BFSP1: variants seen among roughly 807,000 people sequenced by gnomAD.
BFSP1 encodes the protein beaded filament structural protein 1.
In BFSP1, 38 loss-of-function variants were observed where a neutral mutation model predicts 43.9. That is an observed-to-expected ratio of 0.87 (90% confidence interval 0.67 to 1.14). The LOEUF is 1.14. Among genes scored for constraint, BFSP1 ranks in the 50% most tolerant of loss-of-function variants. BFSP1 has a pLI of 0.00. For synonymous variants in BFSP1, 352 were observed against 354.8 expected (o/e 0.99, Z 0.09); for missense variants, 850 against 875.1 (o/e 0.97, Z 0.36).
At chr20:17,509,102 T>A in intron 4 of BFSP1, 106 bp from the exon 5 acceptor site, 2 of 802,032 alleles carry the variant, frequency 2.5e-6, no homozygotes, top group Non-Finnish European at 3.6e-6. Flanking sequence ...CCCCCTGAAT[T>A]CTGTGTTGAA....
At chr20:17,527,700 G>C (rs7262975) in intron 1 of BFSP1, among the ~76,000 whole-genome samples, 39,406 of 151,754 alleles carry the variant, frequency 0.26, 6,476 homozygotes, top group African/African-American at 0.46. Context: ...TGCACTCCAG[G>C]CTGGGTGACA....
At chr20:17,567,582 GGGCGCTC>G (rs1568724647) in intron 1 of BFSP1, among the ~76,000 whole-genome samples, 1 of 152,106 alleles carries the variant, frequency 6.6e-6, no homozygotes, top group Non-Finnish European at 1.5e-5. Context: ...AGAGGTGGCC[GGGCGCTC>G]GGTGTCTAAG....
chr20:17,556,031 G>A (rs6034849), intron 1 of BFSP1, among the ~76,000 whole-genome samples: 46,151 of 152,046 alleles, frequency 0.3, 7,414 homozygotes, highest in Non-Finnish European at 0.34. Flanking sequence ...CATGGGAATG[G>A]AATAGATGGT....
At chr20:17,497,247 C>T (rs1162598481) in intron 6 of BFSP1, among the ~76,000 whole-genome samples, 1 of 151,954 alleles carries the variant, frequency 6.6e-6, no homozygotes. Flanking sequence ...GTGAAACATA[C>T]CTATAAAAAA....
At chr20:17,538,186 A>C (rs1290783581) in intron 1 of BFSP1, among the ~76,000 whole-genome samples, 1 of 151,872 alleles carries the variant, frequency 6.6e-6, no homozygotes, top group African/African-American at 2.4e-5. Flanking sequence ...AAGGGAAGGG[A>C]AGGAAGGAAA....
intron 2 of BFSP1, chr20:17,517,225 G>A (rs2034218526): frequency 4.2e-6 from 4 of 957,238 alleles, no homozygotes; most frequent in South Asian, 3.8e-5. Context: ...TGTGGTGCTG[G>A]AGTGTTTATG....
rs933289518 is a variant in BFSP1 at position 17,531,036 on chromosome 20, G to T, written c.294C>A (p.Arg98=). 7.0e-7 allele frequency: 1 copy of T among 1,420,210 alleles called. No homozygotes were observed. The allele number at this position is 1,420,210 out of a possible 1,614,324, so 88.0% of individuals were successfully genotyped here. Residue 98 remains arginine, a synonymous_variant, in exon 1 of 8, where the codon CGC becomes CGA. Transcript: ENST00000377873. ...LARQVESNRQ[R]VRDLEAERAR... is the part of the protein sequence containing the mutation. ...CGCGCTCGGCCTCCAGGTCCCGGAC[G>T]CGCTGGCGGTTGCTCTCGACTTGGC...
At chr20:17,495,213 C>G (rs909286466) in intron 7 of BFSP1, among the ~76,000 whole-genome samples, 184 bp from the exon 8 acceptor site, 3 of 152,236 alleles carry the variant, frequency 2.0e-5, no homozygotes, top group Non-Finnish European at 4.4e-5. Context: ...ATGGCCCAGG[C>G]TGAGGTCCAG....
At chr20:17,501,964 T>C (rs564364854) in intron 5 of BFSP1, among the ~76,000 whole-genome samples, 2 of 152,218 alleles carry the variant, frequency 1.3e-5, no homozygotes, top group Non-Finnish European at 2.9e-5. Flanking sequence ...TTCATGTGCA[T>C]GGCAAAGTTG....
At chr20:17,569,045 T>C (rs1281350674) in intron 1 of BFSP1, 1 of 152,218 alleles carries the variant, frequency 6.6e-6, no homozygotes, top group Admixed American at 6.5e-5. Context: ...CCCGGAGAAC[T>C]GAGCGGCGGG....
intron 4 of BFSP1, among the ~76,000 whole-genome samples, chr20:17,511,255 C>A (rs2034071413): frequency 1.3e-5 from 2 of 152,138 alleles, no homozygotes; most frequent in Non-Finnish European, 2.9e-5. Context: ...TTTTTCATAT[C>A]CAAATCTTAA....
In BFSP1 at chr20:17,497,022, G is replaced by A; in HGVS notation, c.958C>T (p.Leu320=). 2 of 1,535,006 alleles carry A rather than the reference G, an allele frequency of 1.3e-6. No homozygotes were observed. The highest frequency in any genetic ancestry group is 1.8e-6 in the Non-Finnish European group (2 of 1,141,946). Reference sequence around the variant, plus strand: ...GGAGTTTCAATGAAGGCAGAGGTCAGCCTGGCAGAAAGAACCAGAAAGAAC... The same window carrying A: ...GGAGTTTCAATGAAGGCAGAGGTCAACCTGGCAGAAAGAACCAGAAAGAAC... ...HRIIEIEGNR[L]TSAFIETPIP... The change falls in exon 7 of 8, where the codon CTG becomes TTG. Residue 320 remains leucine (L), a splice_region_variant and synonymous_variant. Coordinates refer to ENST00000377873, the MANE Select transcript of BFSP1 (RefSeq NM_001195.5).
rs563918837 is a variant in BFSP1 at position 17,531,153 on chromosome 20, G to C, written c.177C>G (p.Arg59=). The C allele has an allele frequency of 2.1e-5, 27 of 1,306,088 alleles. 1 individual carries two copies. The South Asian group carries it at 6.0e-4, about 29-fold the overall frequency. 80.9% of individuals were successfully genotyped at this position (1,306,088 alleles called of 1,614,324 possible). ...GCCCGGCATGGCGCTGCTCGAGGGC[G>C]CGGGCCCGCTGGACGTGGGCGGCCA... ...ERVAAHVQRA[R]ALEQRHAGLR... The change falls in exon 1 of 8, where the codon CGC becomes CGG. Residue 59 remains arginine, a synonymous_variant. Transcript: ENST00000377873.
chr20:17,515,415 A>G (rs1381123372), intron 2 of BFSP1, among the ~76,000 whole-genome samples: 1 of 152,234 alleles, frequency 6.6e-6, no homozygotes, highest in African/African-American at 2.4e-5. Context: ...TTTTCTCCCA[A>G]GGACTGTTAA....
Position 17,531,151 on chromosome 20 carries a change from G to T in BFSP1, c.179C>A (p.Ala60Asp), listed in dbSNP as rs2034527323. ...RVAAHVQRAR[A>D]LEQRHAGLRR... Reference sequence around the variant, plus strand: ...GAGCCCGGCATGGCGCTGCTCGAGGGCGCGGGCCCGCTGGACGTGGGCGGC... The same window carrying T: ...GAGCCCGGCATGGCGCTGCTCGAGGTCGCGGGCCCGCTGGACGTGGGCGGC... The change falls in exon 1 of 8, where the codon GCC (alanine) becomes GAC (aspartate). Residue 60 changes from alanine to aspartate, a missense_variant. Physicochemically the swap from Ala to Asp is moderately radical, Grantham distance 126. Transcript: ENST00000377873. 5 of 1,306,532 alleles carry T rather than the reference G, an allele frequency of 3.8e-6. No individual in the cohort carries two copies. The African/African-American group carries it at 7.7e-5, about 20-fold the overall frequency. The allele number at this position is 1,306,532 out of a possible 1,614,324, so 80.9% of individuals were successfully genotyped here.
At chr20:17,506,061 C>T (rs1034664762) in intron 5 of BFSP1, among the ~76,000 whole-genome samples, 1 of 152,106 alleles carries the variant, frequency 6.6e-6, no homozygotes, top group African/African-American at 2.4e-5. Context: ...CGTGTAAGTC[C>T]AAGTCATTGA....
intron 3 of BFSP1, 53 bp downstream of exon 3, chr20:17,514,668 A>G: frequency 1.3e-6 from 2 of 1,570,818 alleles, no homozygotes; most frequent in South Asian, 2.2e-5. Flanking sequence ...GGCTTACCTG[A>G]TCAAACCCAA....
chr20:17,565,491 A>G (rs547384099), intron 1 of BFSP1: 2 of 152,388 alleles, frequency 1.3e-5, no homozygotes, highest in East Asian at 3.9e-4. Flanking sequence ...ATGAACAGTC[A>G]CACCTTGCAG....
At chr20:17,532,404 CAA>C (rs531941557), upstream of BFSP1, among the ~76,000 whole-genome samples, 9 of 61,320 alleles carry the variant, frequency 1.5e-4, no homozygotes, top group Middle Eastern at 9.4e-3. Context: ...GACTCCGTCT[CAA>C]AAAAAAAAAA....
Sources: allele counts gnomAD v4.1 joint callset (sites outside exome capture counted in the v4.1 genomes callset), GRCh38; gene constraint gnomAD v4.1.1; transcripts MANE v1.5; gene names NCBI Gene and HGNC (gene_info 2026-07-23, HGNC 2026-07-21).